RBFOX1: variants seen among roughly 807,000 people sequenced by gnomAD.
The protein encoded by RBFOX1 is RNA binding protein fox-1 homolog 1.
In RBFOX1, 8 loss-of-function variants were observed where a neutral mutation model predicts 57.7. The ratio of observed to expected loss-of-function variants is 0.14; its 90% CI spans 0.08 to 0.25. The LOEUF is 0.25. Ranked by LOEUF, RBFOX1 falls within the 10% of genes least tolerant of loss-of-function variation. The probability of loss-of-function intolerance (pLI) is 1.00; values close to 1 mark genes in which losing one functional copy is unlikely to be tolerated. For missense variants in RBFOX1, 611 were observed against 548.5 expected, an observed-to-expected ratio of 1.11 and a Z score of -1.14; for synonymous variants, 326 against 222.4, an observed-to-expected ratio of 1.47 and a Z score of -4.15.
intron 3 of RBFOX1, among the ~76,000 whole-genome samples, chr16:7,031,032 A>G (rs11639826): frequency 0.15 from 22,587 of 152,092 alleles, 3,159 homozygotes; most frequent in African/African-American, 0.35. Context: ...TTGGTTTGGG[A>G]TGGGAGATGG....
At chr16:6,566,240 C>T (rs2097264349) in intron 2 of RBFOX1, among the ~76,000 whole-genome samples, 1 of 152,280 alleles carries the variant, frequency 6.6e-6, no homozygotes, top group African/African-American at 2.4e-5. Flanking sequence ...AACTGAGATC[C>T]ACCACGGTGA....
At chr16:7,406,121 G>A (rs528273383) in intron 4 of RBFOX1, among the ~76,000 whole-genome samples, 8 of 152,222 alleles carry the variant, frequency 5.3e-5, no homozygotes, top group Non-Finnish European at 1.2e-4. Context: ...CAAGATACCC[G>A]CATTGCCCAA....
In RBFOX1 at chr16:5,511,439, A is replaced by G. The variant is rs545617328; in HGVS notation, c.258+44185A>G. On this transcript the variant is annotated intron_variant, in intron 2 of 2. Transcript: ENST00000585867. Reference sequence around the variant, plus strand: ...TCTTTTTTCATTTTGTCCTTTGTCGATAAGTCAAGACTAGTCAGATAATAG... The same window carrying G: ...TCTTTTTTCATTTTGTCCTTTGTCGGTAAGTCAAGACTAGTCAGATAATAG... Among the ~76,000 whole-genome samples, 5 of 152,264 alleles carry G rather than the reference A, an allele frequency of 3.3e-5. No individual in the cohort carries two copies. In the South Asian group the frequency reaches 8.3e-4, roughly 25 times the overall value.
At chr16:6,792,734 A>G (rs2083206952) in intron 3 of RBFOX1, among the ~76,000 whole-genome samples, 1 of 152,122 alleles carries the variant, frequency 6.6e-6, no homozygotes, top group African/African-American at 2.4e-5. Context: ...TGAAGGGGAT[A>G]TAAATAGAAG....
At position 5,811,661 on chromosome 16, in the gene RBFOX1, G is replaced by A. The variant is rs115819090; in HGVS notation, c.319-55642G>A. Among the ~76,000 whole-genome samples, 1,167 of 151,822 alleles carry A rather than the reference G, an allele frequency of 7.7e-3. 17 individuals carry two copies. The highest frequency in any genetic ancestry group is 0.026 in the African/African-American group (1,076 of 41,392). On this transcript the variant is annotated intron_variant, in intron 3 of 19. Coordinates refer to the RBFOX1 transcript ENST00000641259. The stretch of plus-strand genomic sequence containing the variant: ...AGACAGGGTTTCACGATGTTGGCCT[G>A]GGTGGTGTCCATCTCCTGACTTCGT...
chr16:6,278,377 CAAAAAAAAAAAAAAAAAAA>C (rs57523660), intron 1 of RBFOX1, among the ~76,000 whole-genome samples: 7 of 28,072 alleles, frequency 2.5e-4, no homozygotes, highest in Admixed American at 8.7e-4. Flanking sequence ...TAGGACTCAC[CAAAAAAAAAAAAAAAAAAA>C]AAAAAAAAAA....
intron 5 of RBFOX1, among the ~76,000 whole-genome samples, chr16:7,537,824 T>C (rs1393609895): frequency 1.3e-5 from 2 of 152,152 alleles, no homozygotes; most frequent in Non-Finnish European, 2.9e-5. Flanking sequence ...CCTTTGAAAA[T>C]TATGCATTGG....
At chr16:6,966,070 T>C (rs2084077764) in intron 3 of RBFOX1, among the ~76,000 whole-genome samples, 1 of 152,088 alleles carries the variant, frequency 6.6e-6, no homozygotes, top group Non-Finnish European at 1.5e-5. Flanking sequence ...ACTTTGAAGG[T>C]AGTGATTTTT....
chr16:6,186,488 A>G (rs2097106059), intron 1 of RBFOX1, among the ~76,000 whole-genome samples: 1 of 152,200 alleles, frequency 6.6e-6, no homozygotes, highest in Non-Finnish European at 1.5e-5. Flanking sequence ...CTGCAGAAAC[A>G]GATAACTAAG....
chr16:7,632,897 ACAAT>A (rs138959675), intron 11 of RBFOX1, among the ~76,000 whole-genome samples: 7,669 of 152,324 alleles, frequency 0.05, 285 homozygotes, highest in Non-Finnish European at 0.079. Flanking sequence ...AGTGAACAAA[ACAAT>A]CAACTCCAAA....
At chr16:5,367,741 T>C (rs549188362) in intron 1 of RBFOX1, among the ~76,000 whole-genome samples, 1 of 152,282 alleles carries the variant, frequency 6.6e-6, no homozygotes, top group South Asian at 2.1e-4. Flanking sequence ...AATCTTGAGA[T>C]TGAAAATGAG....
At chr16:7,053,591 A>G (rs1215230386) in intron 4 of RBFOX1, among the ~76,000 whole-genome samples, 1 of 152,212 alleles carries the variant, frequency 6.6e-6, no homozygotes, top group Admixed American at 6.5e-5. Flanking sequence ...ATTGCAAATG[A>G]CACTTGCTTG....
chr16:7,151,295 C>A (rs1433755831), intron 4 of RBFOX1, among the ~76,000 whole-genome samples: 1 of 152,166 alleles, frequency 6.6e-6, no homozygotes, highest in East Asian at 1.9e-4. Flanking sequence ...TGATTACAGT[C>A]AACAGAAACC....
At chr16:5,616,336 C>T (rs1409662406) in intron 3 of RBFOX1, 2 of 152,312 alleles carry the variant, frequency 1.3e-5, no homozygotes, top group Admixed American at 6.5e-5. Flanking sequence ...GGACACCGCC[C>T]CTGGGAGGGA....
chr16:6,972,718 C>T (rs1391730408), intron 3 of RBFOX1, among the ~76,000 whole-genome samples: 4 of 152,036 alleles, frequency 2.6e-5, no homozygotes, highest in African/African-American at 7.2e-5. Flanking sequence ...GAGGTGGTCT[C>T]ATGCGAAAGT....
At chr16:6,674,903 T>C (rs1012407578) in intron 3 of RBFOX1, among the ~76,000 whole-genome samples, 3 of 152,064 alleles carry the variant, frequency 2.0e-5, no homozygotes, top group African/African-American at 7.2e-5. Context: ...TTGGTGGTTT[T>C]TTTTGTTTGT....
chr16:5,985,684 A>G (rs1315874395), intron 4 of RBFOX1, among the ~76,000 whole-genome samples: 1 of 152,058 alleles, frequency 6.6e-6, no homozygotes, highest in Admixed American at 6.6e-5. Flanking sequence ...CCATTTGGGA[A>G]GGTGTTTGTG....
intron 2 of RBFOX1, among the ~76,000 whole-genome samples, chr16:6,539,690 C>G (rs150638234): frequency 1.3e-5 from 2 of 151,900 alleles, no homozygotes; most frequent in African/African-American, 2.4e-5. Context: ...CCCAGCTCCA[C>G]GGGAGGCTGA....
chr16:6,176,010 T>C (rs2097004069), intron 1 of RBFOX1, among the ~76,000 whole-genome samples: 1 of 152,236 alleles, frequency 6.6e-6, no homozygotes, highest in African/African-American at 2.4e-5. Flanking sequence ...TATTTCTTTT[T>C]CCCACAAGCT....
Sources: gnomAD v4.1 joint callset for allele counts (sites outside exome capture counted in the v4.1 genomes callset) on GRCh38, gnomAD v4.1.1 for gene constraint, MANE v1.5 for transcripts, NCBI Gene and HGNC (gene_info 2026-07-23, HGNC 2026-07-21) for gene names.